The following INF2 variants were observed in gnomAD, a reference collection of about 807,000 sequenced individuals.
INF2 encodes inverted formin-2.
Under a neutral mutation model 123.5 loss-of-function variants are expected in INF2, and 43 were observed. The ratio of observed to expected loss-of-function variants is 0.35; its 90% CI spans 0.27 to 0.45. The LOEUF is 0.45. INF2 is among the 20% of genes least tolerant of loss of function. The probability of loss-of-function intolerance (pLI) is 1.00; values close to 1 mark genes in which losing one functional copy is unlikely to be tolerated. For missense variants in INF2, 1,453 were observed against 1,682.7 expected (o/e 0.86, Z 2.39); for synonymous variants, 851 against 745.0 (o/e 1.14, Z -2.32).
chr14:104,697,891 G>GGC (rs201341523), intron 1 of INF2, among the ~76,000 whole-genome samples: 3 of 152,248 alleles, frequency 2.0e-5, no homozygotes, highest in African/African-American at 7.2e-5. Context: ...GACTGCCGGG[G>GGC]GGGGTGGATG....
At chr14:104,705,626 T>A (rs983233422) in intron 5 of INF2, among the ~76,000 whole-genome samples, 1 of 152,162 alleles carries the variant, frequency 6.6e-6, no homozygotes, top group African/African-American at 2.4e-5. Context: ...TGCAGCCCTG[T>A]GGACCCACCT....
chr14:104,691,991 C>T (rs775769650), intron 1 of INF2, among the ~76,000 whole-genome samples: 15 of 152,184 alleles, frequency 9.9e-5, no homozygotes, highest in Non-Finnish European at 1.8e-4. Context: ...CCTGAGGGGC[C>T]GTCCTCTCTC....
rs147033801 is a variant in INF2, at chr14:104,694,988, G to A, written c.-10+5249G>A. ...CCCTTCCCCCTCCCAGGTTGAGAGA[G>A]GCTTTTTCTGAGGACAGAGGAGGGA... On this transcript the variant is annotated intron_variant, in intron 1 of 22. Coordinates refer to ENST00000392634, the MANE Select transcript of INF2 (RefSeq NM_022489.4). Among the ~76,000 whole-genome samples the A allele has an allele frequency of 3.3e-3, 506 of 152,292 alleles. 5 individuals carry two copies. The highest frequency in any genetic ancestry group is 0.012 in the African/African-American group (480 of 41,564).
intron 1 of INF2, among the ~76,000 whole-genome samples, chr14:104,698,962 G>A (rs1222429044): frequency 6.6e-6 from 1 of 152,212 alleles, no homozygotes; most frequent in Non-Finnish European, 1.5e-5. Flanking sequence ...AACCTGATGG[G>A]CAGGAGGGCC....
rs759115381 is a variant in INF2, at chr14:104,706,172, A to G, written c.839A>G (p.His280Arg). The change falls in exon 6 of 23, where the codon CAC (histidine) becomes CGC (arginine). Residue 280 changes from histidine (H) to arginine (R), a missense_variant. Coordinates refer to ENST00000392634, the MANE Select transcript of INF2 (RefSeq NM_022489.4). Reference sequence around the variant, plus strand: ...CAGGAGGTCTTTGCCTCCCTGTTCCACAAGGTGGGCTGGGGGCTGCAGGGC... The same window carrying G: ...CAGGAGGTCTTTGCCTCCCTGTTCCGCAAGGTGGGCTGGGGGCTGCAGGGC... The part of the protein sequence containing the change: ...SHQEVFASLF[H>R]KVSCSPVSAQ... 12 of 1,577,772 alleles carry G rather than the reference A, an allele frequency of 7.6e-6. No individual in the cohort carries two copies. The highest frequency in any genetic ancestry group is 1.3e-5 in the African/African-American group (1 of 74,194).
Position 104,712,777 on chromosome 14 carries a change from G to A in INF2, c.2611-51G>A. ...CCCGCAACTCAGGGCCTCACCCCGG[G>A]TGGTGCCCGCGCGGGGCTCTCACGG... On this transcript the variant is annotated intron_variant, in intron 17 of 22. Coordinates refer to ENST00000392634, the MANE Select transcript of INF2 (RefSeq NM_022489.4). 6 of 1,550,084 alleles carry A rather than the reference G, an allele frequency of 3.9e-6. No homozygotes were observed. In the South Asian group the frequency reaches 7.3e-5, roughly 19 times the overall value.
Position 104,713,322 on chromosome 14 carries a change from C to T in INF2, c.2878+13C>T, listed in dbSNP as rs942526882. 4.7e-5 allele frequency: 73 copies of T among 1,550,504 alleles called. No individual in the cohort carries two copies. The highest frequency in any genetic ancestry group is 6.0e-5 in the Non-Finnish European group (69 of 1,147,640). On this transcript the variant is annotated intron_variant, in intron 19 of 22. Transcript: ENST00000392634. ...GACGGGAAGCCTGGTGAGGCTGGGC[C>T]GGCTGGGCGGGGAGGGGGTGACTCT...
upstream of INF2, among the ~76,000 whole-genome samples, chr14:104,688,642 A>G (rs1888764384): frequency 6.6e-6 from 1 of 152,244 alleles, no homozygotes; most frequent in Admixed American, 6.5e-5. Flanking sequence ...GAGGCCGCAC[A>G]GGGAGTGCTG....
chr14:104,718,653 C>A, intron 22 of INF2, 142 bp from the exon 23 acceptor site: 1 of 1,437,572 alleles, frequency 7.0e-7, no homozygotes, highest in South Asian at 1.3e-5. Flanking sequence ...AGCCTGGGGT[C>A]AGAGTGGACC....
At chr14:104,717,307 G>C (rs1312654090) in intron 22 of INF2, among the ~76,000 whole-genome samples, 1 of 123,680 alleles carries the variant, frequency 8.1e-6, no homozygotes, top group Non-Finnish European at 1.7e-5. Context: ...CCCCCCCCGG[G>C]CAGGGCGCGC....
chr14:104,682,527 T>A (rs1566767503), intron 1 of INF2, among the ~76,000 whole-genome samples: 1 of 152,056 alleles, frequency 6.6e-6, no homozygotes, highest in African/African-American at 2.4e-5. Context: ...ATCCGGCCTT[T>A]GGGATGGGCA....
At chr14:104,698,125 G>A (rs777411208) in intron 1 of INF2, among the ~76,000 whole-genome samples, 8 of 152,248 alleles carry the variant, frequency 5.3e-5, no homozygotes, top group Non-Finnish European at 7.3e-5. Context: ...ACATTCCTGC[G>A]CTGGTGGCCC....
chr14:104,701,311 G>A, intron 1 of INF2, 46 bp from the exon 2 acceptor site: 2 of 1,533,208 alleles, frequency 1.3e-6, no homozygotes. Context: ...CAGGAGGACA[G>A]CCCCCATCCC....
intron 1 of INF2, among the ~76,000 whole-genome samples, chr14:104,695,647 C>T (rs1420732525): frequency 7.7e-6 from 1 of 129,802 alleles, no homozygotes; most frequent in Non-Finnish European, 1.7e-5. Flanking sequence ...TCCCCCTACC[C>T]CCCCTACAGA....
chr14:104,707,530 A>ACCCCCCCCCCC lies in INF2; in HGVS notation c.1268_1269insCCCCCCCCCCC (p.Pro427HisfsTer135). The stretch of plus-strand genomic sequence containing the variant: ...CCCTGGAGCAGCAGGCGTCCACCCC[A>ACCCCCCCCCCC]CCCCCACCCCCACCCCCACCCCTGC... On this transcript the variant is annotated frameshift_variant, in exon 8 of 23. Coordinates refer to ENST00000392634, the MANE Select transcript of INF2 (RefSeq NM_022489.4). LOFTEE classifies it high-confidence loss of function. 3.8e-6 allele frequency: 2 copies of ACCCCCCCCCCC among 529,208 alleles called. No individual in the cohort carries two copies. The highest frequency in any genetic ancestry group is 5.0e-6 in the Non-Finnish European group (2 of 397,904). The allele number at this position is 529,208 out of a possible 1,614,324, so 32.8% of individuals were successfully genotyped here.
intron 12 of INF2, 86 bp from the exon 13 acceptor site, chr14:104,710,002 C>A: frequency 1.6e-6 from 2 of 1,214,674 alleles, no homozygotes; most frequent in South Asian, 1.3e-5. Context: ...TGCCCACCAC[C>A]CAAGCCAGAG....
At chr14:104,703,495 C>T (rs1435506947) in intron 4 of INF2, 41 bp downstream of exon 4, 1 of 1,604,930 alleles carries the variant, frequency 6.2e-7, no homozygotes, top group South Asian at 1.1e-5. Flanking sequence ...TCCTGCCCGC[C>T]TCTTGGCCAG....
At chr14:104,713,823 C>T (rs1047993586) in intron 20 of INF2, among the ~76,000 whole-genome samples, 1 of 152,218 alleles carries the variant, frequency 6.6e-6, no homozygotes, top group African/African-American at 2.4e-5. Context: ...AACCGCAGGC[C>T]CTGCCCTCAG....
rs774989778 is a variant in INF2 at position 104,707,008 on chromosome 14, C to A, written c.942C>A (p.Ala314=). ...GCTCCAGCCAGCTGCTCTGGGAGGC[C>A]CTGGAGAGCCTCGTGAACCGGGCCG... ...TLRSSQLLWE[A]LESLVNRAVL... Residue 314 remains alanine (A), a synonymous_variant, in exon 7 of 23, where the codon GCC becomes GCA. Coordinates refer to ENST00000392634, the MANE Select transcript of INF2 (RefSeq NM_022489.4). 59 of 1,593,698 alleles carry A rather than the reference C, an allele frequency of 3.7e-5. No individual in the cohort carries two copies. The South Asian group carries it at 4.5e-4, about 12-fold the overall frequency.
Sources: allele counts gnomAD v4.1 joint callset (sites outside exome capture counted in the v4.1 genomes callset), GRCh38; gene constraint gnomAD v4.1.1; transcripts MANE v1.5; gene names NCBI Gene and HGNC (gene_info 2026-07-23, HGNC 2026-07-21).